Variants in ARHGAP40 observed in about 807,000 individuals in gnomAD.
ARHGAP40 encodes the protein Rho GTPase activating protein 40, also known as rho GTPase-activating protein 40.
Under a neutral mutation model 73.5 loss-of-function variants are expected in ARHGAP40, and 43 were observed. The observed-to-expected ratio is 0.58, with a 90% CI of 0.46 to 0.75. The LOEUF is 0.75. Ranked by LOEUF, ARHGAP40 falls within the 30% of genes least tolerant of loss-of-function variation. The pLI, the probability that ARHGAP40 is intolerant of heterozygous loss-of-function variation, is 0.00. For synonymous variants in ARHGAP40, 300 were observed against 352.8 expected (o/e 0.85, Z 1.68); for missense variants, 734 against 861.8 (o/e 0.85, Z 1.86).
intron 1 of ARHGAP40, chr20:38,615,422 G>A (rs2088830115): frequency 2.8e-6 from 2 of 722,658 alleles, no homozygotes; most frequent in African/African-American, 1.7e-5. Flanking sequence ...CTGAAGTTGG[G>A]GATAATGGTA....
chr20:38,649,673 C>T, intron 14 of ARHGAP40, 84 bp from the exon 15 acceptor site: 6 of 820,268 alleles, frequency 7.3e-6, no homozygotes, highest in Non-Finnish European at 1.1e-5. Flanking sequence ...GGGGACAGTG[C>T]ACTGCCTGGT....
chr20:38,623,344 C>T lies in ARHGAP40; in HGVS notation c.138-15C>T, dbSNP rs1568606626. ...AGACTTGCTGACCTCCCTGCACCTT[C>T]CCCACTTGCTACAGCTCTGGCCCCT... On this transcript the variant is annotated splice_polypyrimidine_tract_variant and intron_variant, in intron 1 of 14. Transcript: ENST00000373345. 1 of 1,280,474 alleles carries T rather than the reference C, an allele frequency of 7.8e-7. No individual in the cohort carries two copies. The allele number at this position is 1,280,474 out of a possible 1,614,324, so 79.3% of individuals were successfully genotyped here. A position where few individuals can be genotyped will look rare whatever the true frequency, so the allele number is the denominator to read the frequency against.
intron 4 of ARHGAP40, among the ~76,000 whole-genome samples, chr20:38,629,223 C>T (rs1022529366): frequency 6.6e-6 from 1 of 152,184 alleles, no homozygotes; most frequent in African/African-American, 2.4e-5. Flanking sequence ...TGGGAAAATT[C>T]TCTTCCTGGG....
At chr20:38,628,307 T>A (rs893514619) in intron 3 of ARHGAP40, among the ~76,000 whole-genome samples, 1 of 140,826 alleles carries the variant, frequency 7.1e-6, no homozygotes, top group African/African-American at 2.6e-5. Flanking sequence ...CAGTACAAAA[T>A]CCTTTTTTTT....
intron 1 of ARHGAP40, among the ~76,000 whole-genome samples, chr20:38,608,490 T>C (rs770848518): frequency 6.6e-6 from 1 of 152,092 alleles, no homozygotes; most frequent in African/African-American, 2.4e-5. Context: ...GTTTTTGGAG[T>C]ACTTACTATG....
rs1255849360 is a variant in ARHGAP40 at position 38,646,162 on chromosome 20, A to G, written c.1685A>G (p.Asp562Gly). Reference sequence around the variant, plus strand: ...CTGCGGAGGATGCACGCAGACAGGGACAAGGCGGGGGACGGCCTCGAGGCG... The same window carrying G: ...CTGCGGAGGATGCACGCAGACAGGGGCAAGGCGGGGGACGGCCTCGAGGCG... The change falls in exon 12 of 15, where the codon GAC becomes GGC. Residue 562 changes from aspartate to glycine, a missense_variant. Physicochemically the swap from Asp to Gly is moderately conservative, Grantham distance 94. Coordinates refer to ENST00000373345, the Ensembl canonical transcript of ARHGAP40. The surrounding 1 kb of genome is among the most constrained non-coding windows in gnomAD (Gnocchi z 4.5). The G allele has an allele frequency of 1.5e-6, 2 of 1,303,610 alleles. No homozygotes were observed. Among genetic ancestry groups the G allele is most frequent in the Non-Finnish European group, 2.0e-6 (2 of 988,504 alleles). The allele number at this position is 1,303,610 out of a possible 1,614,324, so 80.8% of individuals were successfully genotyped here. A position where few individuals can be genotyped will look rare whatever the true frequency, so the allele number is the denominator to read the frequency against.
At chr20:38,648,614 T>A in intron 13 of ARHGAP40, 29 bp from the exon 14 acceptor site, 2 of 1,244,718 alleles carry the variant, frequency 1.6e-6, no homozygotes, top group Non-Finnish European at 2.1e-6. Context: ...AAGGCAGTAG[T>A]TTTTTTTTTC....
chr20:38,643,328 T>C (rs1411957599), intron 10 of ARHGAP40, among the ~76,000 whole-genome samples: 2 of 152,208 alleles, frequency 1.3e-5, no homozygotes, highest in Non-Finnish European at 2.9e-5. Context: ...GCTTCTCTAT[T>C]CCTTCCTTTG....
At chr20:38,609,642 C>A (rs2088793138) in intron 1 of ARHGAP40, among the ~76,000 whole-genome samples, 1 of 152,150 alleles carries the variant, frequency 6.6e-6, no homozygotes, top group Non-Finnish European at 1.5e-5. Context: ...AGAAGGCTTC[C>A]TGGAGGAGGT....
intron 1 of ARHGAP40, chr20:38,615,342 G>A: frequency 1.3e-6 from 1 of 769,046 alleles, no homozygotes; most frequent in Non-Finnish European, 2.4e-6. Flanking sequence ...AGCCACGGGG[G>A]TACTTCCACT....
chr20:38,647,055 G>T, exon 13 of ARHGAP40: 1 of 1,305,400 alleles, frequency 7.7e-7, no homozygotes, highest in Non-Finnish European at 1.0e-6. Context: ...TCCTGAGGCA[G>T]TTCACAGAGC....
intron 11 of ARHGAP40, 86 bp downstream of exon 11, chr20:38,643,996 A>G: frequency 5.1e-6 from 6 of 1,167,196 alleles, no homozygotes; most frequent in Non-Finnish European, 6.7e-6. Flanking sequence ...TTGTCCTTTC[A>G]GTTCCCTAGT....
At chr20:38,643,010 G>A (rs1568611840) in intron 10 of ARHGAP40, among the ~76,000 whole-genome samples, 1 of 152,018 alleles carries the variant, frequency 6.6e-6, no homozygotes, top group African/African-American at 2.4e-5. Flanking sequence ...GTGTGATGGT[G>A]CACACTTGTA....
intron 1 of ARHGAP40, among the ~76,000 whole-genome samples, chr20:38,611,717 G>A (rs1569007741): frequency 1.4e-5 from 2 of 145,900 alleles, no homozygotes; most frequent in East Asian, 2.1e-4. Context: ...GACTACAGGC[G>A]CCCGCCACCA....
Position 38,646,233 on chromosome 20 carries a change from A to T in ARHGAP40, c.1710+46A>T, listed in dbSNP as rs953982781. ...ACAGGTGGAGAAGGGCCGAGGCGACAGGAGGGCACCTGGGGCGCGGTGCTT... is the reference window on the plus strand; with the variant it reads ...ACAGGTGGAGAAGGGCCGAGGCGACTGGAGGGCACCTGGGGCGCGGTGCTT... On this transcript the variant is annotated intron_variant, in intron 12 of 14. Transcript: ENST00000373345. This position sits in a 1 kb window ranked among gnomAD's most constrained non-coding sequence, Gnocchi z 4.5. 1.6e-6 allele frequency: 2 copies of T among 1,257,080 alleles called. No homozygotes were observed. Among genetic ancestry groups the T allele is most frequent in the African/African-American group, 1.5e-5 (1 of 64,562 alleles). 77.9% of individuals were successfully genotyped at this position (1,257,080 alleles called of 1,614,324 possible). A position where few individuals can be genotyped will look rare whatever the true frequency, so the allele number is the denominator to read the frequency against.
chr20:38,605,039 G>T (rs1406178099), intron 1 of ARHGAP40, among the ~76,000 whole-genome samples: 1 of 152,002 alleles, frequency 6.6e-6, no homozygotes, highest in Non-Finnish European at 1.5e-5. Context: ...CACTAGGTCA[G>T]CTCCCCCAAT....
At chr20:38,618,225 G>A (rs948564642) in intron 1 of ARHGAP40, among the ~76,000 whole-genome samples, 8 of 151,746 alleles carry the variant, frequency 5.3e-5, no homozygotes, top group Admixed American at 3.3e-4. Flanking sequence ...TCAGCCTCCT[G>A]AGTAGCTGGG....
At chr20:38,608,962 T>C (rs550770589) in intron 1 of ARHGAP40, among the ~76,000 whole-genome samples, 1 of 152,232 alleles carries the variant, frequency 6.6e-6, no homozygotes, top group Admixed American at 6.5e-5. Flanking sequence ...TGCTACCATC[T>C]CTCTGGTTTT....
chr20:38,608,479 T>C (rs933946369), intron 1 of ARHGAP40, among the ~76,000 whole-genome samples: 38 of 152,194 alleles, frequency 2.5e-4, no homozygotes, highest in Non-Finnish European at 1.0e-4. Context: ...TGTGTTTTCA[T>C]GTTTTTGGAG....
Sources: allele counts gnomAD v4.1 joint callset (sites outside exome capture counted in the v4.1 genomes callset), GRCh38; gene constraint gnomAD v4.1.1; non-coding constraint Gnocchi (gnomAD v3.1); transcripts MANE v1.5; gene names NCBI Gene and HGNC (gene_info 2026-07-23, HGNC 2026-07-21).